The following DTNA variants were observed in gnomAD, a reference collection of about 807,000 sequenced individuals.
DTNA encodes dystrobrevin alpha.
A neutral mutation model predicts 100.7 loss-of-function variants in DTNA; 43 were observed. The observed-to-expected ratio is 0.43, with a 90% CI of 0.33 to 0.55. DTNA has a LOEUF of 0.55. DTNA is among the 20% of genes least tolerant of loss of function. The pLI, the probability that DTNA is intolerant of heterozygous loss-of-function variation, is 0.04. For missense variants in DTNA, 798 were observed against 953.9 expected (o/e 0.84, Z 2.15); for synonymous variants, 349 against 347.9 (o/e 1.00, Z -0.04).
intron 4 of DTNA, among the ~76,000 whole-genome samples, chr18:34,799,713 G>T (rs560254359): frequency 2.0e-5 from 3 of 152,104 alleles, no homozygotes; most frequent in Non-Finnish European, 4.4e-5. Flanking sequence ...TGCTAAAATG[G>T]AATCACTTTC....
intron 11 of DTNA, among the ~76,000 whole-genome samples, chr18:34,830,613 A>G (rs879690481): frequency 3.9e-5 from 6 of 152,106 alleles, no homozygotes; most frequent in Non-Finnish European, 8.8e-5. Context: ...CCTTACTTAA[A>G]AGAAAAAAAA....
intron 1 of DTNA, among the ~76,000 whole-genome samples, chr18:34,605,885 T>C (rs1405359488): frequency 6.6e-6 from 1 of 152,194 alleles, no homozygotes; most frequent in Non-Finnish European, 1.5e-5. Context: ...CATGGTTAAA[T>C]TCCAACTACT....
At chr18:34,709,350 C>G (rs540663471), upstream of DTNA, 1 of 152,164 alleles carries the variant, frequency 6.6e-6, no homozygotes, top group South Asian at 2.1e-4. Context: ...AGTGATTATG[C>G]GAGGCCTGAG....
intron 1 of DTNA, among the ~76,000 whole-genome samples, chr18:34,526,183 A>G (rs1013690366): frequency 2.6e-5 from 4 of 152,126 alleles, no homozygotes; most frequent in African/African-American, 9.7e-5. Flanking sequence ...AGATTAGCAA[A>G]ATTTCATAAA....
At chr18:34,814,358 G>T (rs1433994874) in intron 6 of DTNA, among the ~76,000 whole-genome samples, 2 of 151,974 alleles carry the variant, frequency 1.3e-5, no homozygotes, top group South Asian at 2.1e-4. Context: ...TTCAAAATCA[G>T]CTAGAATAAT....
chr18:34,608,837 A>G (rs1254627663), intron 1 of DTNA, among the ~76,000 whole-genome samples: 1 of 152,130 alleles, frequency 6.6e-6, no homozygotes, highest in Non-Finnish European at 1.5e-5. Context: ...GCTGTCAACA[A>G]ATTTAACCTT....
chr18:34,744,383 A>G (rs1217824240), intron 1 of DTNA, among the ~76,000 whole-genome samples: 3 of 152,150 alleles, frequency 2.0e-5, no homozygotes, highest in Non-Finnish European at 4.4e-5. Flanking sequence ...TTCACACATC[A>G]TGGATATCAT....
intron 13 of DTNA, among the ~76,000 whole-genome samples, chr18:34,846,860 T>C (rs1174812821): frequency 6.6e-6 from 1 of 152,236 alleles, no homozygotes; most frequent in East Asian, 1.9e-4. Flanking sequence ...TTTATATGGA[T>C]CCAAGTGATT....
At chr18:34,703,896 C>T (rs753905652) in intron 1 of DTNA, among the ~76,000 whole-genome samples, 4 of 152,132 alleles carry the variant, frequency 2.6e-5, no homozygotes, top group Non-Finnish European at 5.9e-5. Flanking sequence ...TCCTTCTTTT[C>T]TATTCTCCCC....
At chr18:34,877,340 TG>T (rs1209406393) in intron 18 of DTNA, among the ~76,000 whole-genome samples, 2 of 152,184 alleles carry the variant, frequency 1.3e-5, no homozygotes, top group Non-Finnish European at 2.9e-5. Context: ...CTGGAAAACC[TG>T]ATTTTTCATC....
intron 3 of DTNA, among the ~76,000 whole-genome samples, chr18:34,783,735 G>A (rs1419948186): frequency 1.3e-5 from 2 of 152,200 alleles, no homozygotes; most frequent in African/African-American, 4.8e-5. Flanking sequence ...GATAGCTTCA[G>A]TGTAATCACA....
At chr18:34,799,589 G>A (rs771238866) in intron 4 of DTNA, among the ~76,000 whole-genome samples, 16 of 152,264 alleles carry the variant, frequency 1.1e-4, no homozygotes, top group South Asian at 2.1e-4. Flanking sequence ...TTTACTTGGC[G>A]TGGTGACTTT....
intron 14 of DTNA, among the ~76,000 whole-genome samples, chr18:34,849,396 A>G (rs2096440948): frequency 6.6e-6 from 1 of 152,176 alleles, no homozygotes; most frequent in East Asian, 1.9e-4. Flanking sequence ...CTATAAACAG[A>G]GGCTATGGTA....
At chr18:34,760,515 C>A (rs2093077274) in intron 2 of DTNA, among the ~76,000 whole-genome samples, 1 of 152,220 alleles carries the variant, frequency 6.6e-6, no homozygotes, top group Non-Finnish European at 1.5e-5. Context: ...AACTAAACTT[C>A]CCTTCCAGCC....
intron 6 of DTNA, among the ~76,000 whole-genome samples, chr18:34,813,126 C>T (rs1295213828): frequency 6.6e-6 from 1 of 152,146 alleles, no homozygotes; most frequent in East Asian, 1.9e-4. Flanking sequence ...GAAATCCATA[C>T]ATTAAAGGTT....
At chr18:34,514,104 G>A (rs1280666109) in intron 1 of DTNA, among the ~76,000 whole-genome samples, 1 of 152,132 alleles carries the variant, frequency 6.6e-6, no homozygotes, top group Non-Finnish European at 1.5e-5. Context: ...TCTAAAGATT[G>A]CTCTTAGTTA....
At chr18:34,862,124 C>CAAAAAAAAAAAAAAAAAAAAGAA in intron 16 of DTNA, among the ~76,000 whole-genome samples, 1 of 56,266 alleles carries the variant, frequency 1.8e-5, no homozygotes, top group Non-Finnish European at 3.6e-5. Flanking sequence ...CAGACAAGGT[C>CAAAAAAAAAAAAAAAAAAAAGAA]AAAAAAAAAA....
intron 3 of DTNA, among the ~76,000 whole-genome samples, chr18:34,766,528 T>TCA (rs2093478841): frequency 6.7e-6 from 1 of 150,102 alleles, no homozygotes; most frequent in African/African-American, 2.5e-5. Context: ...TGTTGTGGTG[T>TCA]GGGAGGAAGG....
chr18:34,857,364 G>A (rs941604212), intron 15 of DTNA, among the ~76,000 whole-genome samples: 2 of 152,142 alleles, frequency 1.3e-5, no homozygotes, highest in Non-Finnish European at 2.9e-5. Flanking sequence ...CCTTCCATTC[G>A]CAGTGCTTTG....
Sources: gnomAD v4.1 joint callset for allele counts (sites outside exome capture counted in the v4.1 genomes callset) on GRCh38, gnomAD v4.1.1 for gene constraint, MANE v1.5 for transcripts, NCBI Gene and HGNC (gene_info 2026-07-23, HGNC 2026-07-21) for gene names.